ENTREP2: variants seen among roughly 807,000 people sequenced by gnomAD.
ENTREP2 encodes protein ENTREP2.
chr15:29,252,121 T>C, the ENTREP2 span, among the ~76,000 whole-genome samples: 7 of 152,202 alleles, frequency 4.6e-5, no homozygotes, highest in South Asian at 4.1e-4. Flanking sequence ...CTTAAAAATA[T>C]ACTACTAGTA....
At chr15:29,376,961 C>G in the ENTREP2 span, 1 of 152,288 alleles carries the variant, frequency 6.6e-6, no homozygotes, top group Non-Finnish European at 1.5e-5. Context: ...GGGCCCAAAA[C>G]TGCTTCTTCT....
chr15:29,470,812 GATTA>G, the ENTREP2 span, among the ~76,000 whole-genome samples: 2 of 152,188 alleles, frequency 1.3e-5, no homozygotes, highest in African/African-American at 4.8e-5. Context: ...TCTCTTCCTA[GATTA>G]ATTTTTTGTT....
the ENTREP2 span, among the ~76,000 whole-genome samples, chr15:29,536,978 C>T: frequency 1.3e-5 from 2 of 152,198 alleles, 1 homozygote; most frequent in South Asian, 4.1e-4. Context: ...TCAGGTTGGA[C>T]TTCCAGCCTC....
At chr15:29,120,635 C>G in the ENTREP2 span, 1 of 152,280 alleles carries the variant, frequency 6.6e-6, no homozygotes, top group Non-Finnish European at 1.5e-5. Context: ...CAGGTGCCAA[C>G]CCCCTTTGGG....
At chr15:29,188,920 T>A in the ENTREP2 span, among the ~76,000 whole-genome samples, 1 of 152,152 alleles carries the variant, frequency 6.6e-6, no homozygotes, top group Non-Finnish European at 1.5e-5. Context: ...AGCGAACACA[T>A]CCCCATGCCA....
the ENTREP2 span, among the ~76,000 whole-genome samples, chr15:29,127,734 G>A: frequency 1.3e-5 from 2 of 152,250 alleles, no homozygotes; most frequent in East Asian, 3.9e-4. Context: ...CTGAATTCTG[G>A]GTGAGGAGCA....
the ENTREP2 span, among the ~76,000 whole-genome samples, chr15:29,470,338 C>A: frequency 6.6e-6 from 1 of 152,146 alleles, no homozygotes; most frequent in Non-Finnish European, 1.5e-5. Flanking sequence ...CTGGGCCCTG[C>A]CAAGGGCTAC....
chr15:29,388,740 T>G, the ENTREP2 span, among the ~76,000 whole-genome samples: 1 of 151,770 alleles, frequency 6.6e-6, no homozygotes, highest in African/African-American at 2.4e-5. Context: ...ATAGACTGGA[T>G]TAAGAAAATA....
the ENTREP2 span, among the ~76,000 whole-genome samples, chr15:29,118,657 C>T: frequency 6.6e-6 from 1 of 152,206 alleles, no homozygotes; most frequent in African/African-American, 2.4e-5. Context: ...CCTTGGGCTT[C>T]TTCAGATTTC....
At chr15:29,401,884 C>T in the ENTREP2 span, among the ~76,000 whole-genome samples, 1 of 152,124 alleles carries the variant, frequency 6.6e-6, no homozygotes, top group Non-Finnish European at 1.5e-5. Flanking sequence ...CCAGTGTGCA[C>T]TGAAGGATCT....
the ENTREP2 span, among the ~76,000 whole-genome samples, chr15:29,281,864 A>C: frequency 1.3e-5 from 2 of 152,196 alleles, no homozygotes; most frequent in East Asian, 3.9e-4. Flanking sequence ...ATCTATAGAC[A>C]TTTGAATGTG....
At chr15:29,277,557 C>A in the ENTREP2 span, among the ~76,000 whole-genome samples, 2 of 152,156 alleles carry the variant, frequency 1.3e-5, no homozygotes, top group Non-Finnish European at 2.9e-5. Context: ...GTAGGGCTCA[C>A]ATCCCTATGA....
the ENTREP2 span, among the ~76,000 whole-genome samples, chr15:29,288,757 A>G: frequency 5.3e-5 from 8 of 152,188 alleles, no homozygotes; most frequent in African/African-American, 1.2e-4. Flanking sequence ...TATGATGTCT[A>G]CACAACATGC....
chr15:29,526,010 A>C, the ENTREP2 span, among the ~76,000 whole-genome samples: 28 of 152,242 alleles, frequency 1.8e-4, no homozygotes, highest in Non-Finnish European at 4.0e-4. Flanking sequence ...GAATGAGCTA[A>C]TCAATTCTGT....
chr15:29,237,826 C>A, the ENTREP2 span, among the ~76,000 whole-genome samples: 1 of 152,084 alleles, frequency 6.6e-6, no homozygotes, highest in Non-Finnish European at 1.5e-5. Flanking sequence ...GACGCAAAAG[C>A]AATTGTGGTT....
the ENTREP2 span, among the ~76,000 whole-genome samples, chr15:29,363,387 T>C: frequency 6.6e-6 from 1 of 152,208 alleles, no homozygotes; most frequent in African/African-American, 2.4e-5. Context: ...TTAAGATGAT[T>C]CATAAATTTT....
the ENTREP2 span, among the ~76,000 whole-genome samples, chr15:29,323,498 T>C: frequency 6.6e-6 from 1 of 152,112 alleles, no homozygotes; most frequent in Admixed American, 6.5e-5. Flanking sequence ...TAATATCCTT[T>C]ATAACAAACC....
the ENTREP2 span, among the ~76,000 whole-genome samples, chr15:29,282,218 T>G: frequency 6.6e-6 from 1 of 152,158 alleles, no homozygotes; most frequent in Non-Finnish European, 1.5e-5. Context: ...TCCCCCATAC[T>G]GTTCTCATGC....
the ENTREP2 span, among the ~76,000 whole-genome samples, chr15:29,387,790 G>C: frequency 2.6e-5 from 4 of 152,274 alleles, no homozygotes; most frequent in East Asian, 3.9e-4. Flanking sequence ...CAATGGAACA[G>C]AACAGAGCCC....
Sources: gnomAD v4.1 joint callset for allele counts (sites outside exome capture counted in the v4.1 genomes callset) on GRCh38, gnomAD v4.1.1 for gene constraint, MANE v1.5 for transcripts, NCBI Gene and HGNC (gene_info 2026-07-23, HGNC 2026-07-21) for gene names.